Variants in SERPINB6 observed in about 807,000 individuals in gnomAD.
The protein encoded by SERPINB6 is serpin family B member 6.
SERPINB6 carries 16 observed loss-of-function variants against 26.1 expected under a neutral mutation model. The ratio of observed to expected loss-of-function variants is 0.61; its 90% CI spans 0.42 to 0.93. The LOEUF (loss-of-function observed/expected upper bound fraction) is 0.93. SERPINB6 is among the 40% of genes least tolerant of loss of function. SERPINB6 has a pLI of 0.00. For synonymous variants in SERPINB6, 174 were observed against 176.6 expected, an observed-to-expected ratio of 0.99 and a Z score of 0.11; for missense variants, 420 against 478.0, an observed-to-expected ratio of 0.88 and a Z score of 1.13.
chr6:2,955,964 T>C, intron 2 of SERPINB6: 1 of 311,874 alleles, frequency 3.2e-6, no homozygotes, highest in Non-Finnish European at 6.2e-6. Flanking sequence ...GTAACCCAGC[T>C]ACTCGGGAAG....
At chr6:2,961,176 C>G (rs1300306836) in intron 1 of SERPINB6, 1 of 152,220 alleles carries the variant, frequency 6.6e-6, no homozygotes, top group African/African-American at 2.4e-5. Context: ...AAGACAATAA[C>G]TCATACACCT....
At chr6:2,962,680 T>G (rs1294060383) in intron 1 of SERPINB6, among the ~76,000 whole-genome samples, 1 of 152,248 alleles carries the variant, frequency 6.6e-6, no homozygotes, top group Non-Finnish European at 1.5e-5. Context: ...AAGGTAAAAT[T>G]CTATCTATGC....
At chr6:2,956,649 C>T (rs1347876026) in intron 2 of SERPINB6, 2 of 152,252 alleles carry the variant, frequency 1.3e-5, no homozygotes, top group South Asian at 2.1e-4. Flanking sequence ...TGGAGAAACC[C>T]CATCTCTACT....
intron 4 of SERPINB6, among the ~76,000 whole-genome samples, chr6:2,953,652 G>A (rs1426761405): frequency 6.6e-6 from 1 of 152,102 alleles, no homozygotes; most frequent in Non-Finnish European, 1.5e-5. Context: ...ACAACATAGT[G>A]AGGCCTTGTC....
Position 2,948,417 on chromosome 6 carries a change from T to C in SERPINB6, c.1012A>G (p.Met338Val), listed in dbSNP as rs750948748. The stretch of plus-strand genomic sequence containing the variant: ...ACGAATCTGGCACACCGCATCATCA[T>C]GATGGCAGCTGTGGCGGCTGCAGCC... ...TEAAAATAAIMMMRCARFVPR... is the reference protein window; with the variant it reads ...TEAAAATAAIVMMRCARFVPR... Residue 338 changes from methionine to valine, a missense_variant, in exon 7 of 7, where the codon ATG becomes GTG. Coordinates refer to ENST00000380539, the MANE Select transcript of SERPINB6 (RefSeq NM_004568.6). The surrounding 1 kb of genome is among the most constrained non-coding windows in gnomAD (Gnocchi z 5.0). 2 of 1,614,208 alleles carry C rather than the reference T, an allele frequency of 1.2e-6. No individual in the cohort carries two copies. Among genetic ancestry groups the C allele is most frequent in the East Asian group, 2.2e-5 (1 of 44,880 alleles).
chr6:2,958,099 C>T (rs1316942848), intron 2 of SERPINB6: 1 of 152,212 alleles, frequency 6.6e-6, no homozygotes, highest in Non-Finnish European at 1.5e-5. Context: ...AGGGCCTTTA[C>T]AGGGGTGATT....
At chr6:2,970,511 T>C (rs1772041143) in intron 1 of SERPINB6, 9 of 1,165,658 alleles carry the variant, frequency 7.7e-6, no homozygotes, top group Non-Finnish European at 9.5e-6. Context: ...AGAAGGTCAC[T>C]GAACACATCA....
chr6:2,948,687 G>A lies in SERPINB6; in HGVS notation c.742C>T (p.Leu248Phe), dbSNP rs747769939. Residue 248 changes from leucine (L) to phenylalanine (F), a missense_variant, in exon 7 of 7, where the codon CTC becomes TTC. Transcript: ENST00000380539. The surrounding 1 kb of genome is among the most constrained non-coding windows in gnomAD (Gnocchi z 5.0). Reference sequence around the variant, plus strand: ...CATTCTACGAACTTCTCGTAAGTGAGTTCTTTCTCCACCTAGAGGGAGACA... The same window carrying A: ...CATTCTACGAACTTCTCGTAAGTGAATTCTTTCTCCACCTAGAGGGAGACA... Reference protein sequence around the residue: ...TTDLRTVEKELTYEKFVEWTR... With the variant: ...TTDLRTVEKEFTYEKFVEWTR... The A allele has an allele frequency of 3.1e-6, 5 of 1,614,014 alleles. No homozygotes were observed. In the African/African-American group the frequency reaches 5.3e-5, roughly 17 times the overall value.
Position 2,949,038 on chromosome 6 carries a change from T to G in SERPINB6, c.605A>C (p.Lys202Thr). 1.2e-6 allele frequency: 2 copies of G among 1,614,208 alleles called. No homozygotes were observed. The highest frequency in any genetic ancestry group is 8.5e-7 in the Non-Finnish European group (1 of 1,180,044). The change falls in exon 6 of 7, where the codon AAG becomes ACG. Residue 202 changes from lysine to threonine, a missense_variant. By Grantham distance (78) the Lys-to-Thr change is moderately conservative. Coordinates refer to ENST00000380539, the MANE Select transcript of SERPINB6 (RefSeq NM_004568.6). ...NEEKPVQMMF[K>T]QSTFKKTYIG... ...ATAGGTCTTCTTAAAAGTAGATTGC[T>G]TAAACATCATTTGCACAGGTTTCTC...
chr6:2,970,695 C>T (rs889737901), intron 1 of SERPINB6: 2 of 1,208,612 alleles, frequency 1.7e-6, no homozygotes, highest in Non-Finnish European at 2.0e-6. Context: ...ATTTTCTGTA[C>T]CTCAGTTTTC....
chr6:2,959,280 G>A lies in SERPINB6; in HGVS notation c.53C>T (p.Thr18Met), dbSNP rs753498563. ...NGTFALNLLK[T>M]LGKDNSKNVF... ...ATTCTTCGAGTTGTCTTTACCCAGCGTTTTCAAAAGGTTTAAGGCAAAGGT... is the reference window on the plus strand; with the variant it reads ...ATTCTTCGAGTTGTCTTTACCCAGCATTTTCAAAAGGTTTAAGGCAAAGGT... Residue 18 changes from threonine (T) to methionine (M), a missense_variant, in exon 2 of 7, where the codon ACG becomes ATG. By Grantham distance (81) the Thr-to-Met change is moderately conservative. Transcript: ENST00000380539. 1.5e-5 allele frequency: 25 copies of A among 1,614,028 alleles called. No individual in the cohort carries two copies. Among genetic ancestry groups the A allele is most frequent in the South Asian group, 4.4e-5 (4 of 91,080 alleles).
In SERPINB6 at chr6:2,970,492, A is replaced by G. The variant is rs995969561; in HGVS notation, c.-11+1041T>C. The G allele has an allele frequency of 3.5e-6, 4 of 1,143,386 alleles. No individual in the cohort carries two copies. The Admixed American group carries it at 1.4e-4, about 41-fold the overall frequency. The allele number at this position is 1,143,386 out of a possible 1,614,324, so 70.8% of individuals were successfully genotyped here. On this transcript the variant is annotated intron_variant, in intron 1 of 6. Coordinates refer to ENST00000380539, the MANE Select transcript of SERPINB6 (RefSeq NM_004568.6). ...CCCAGCAATACAAGGCCGGCCCAGG[A>G]CCTTAACTAGAAGGTCACTGAACAC...
Position 2,959,262 on chromosome 6 carries a change from G to A in SERPINB6, c.71C>T (p.Ser24Leu), listed in dbSNP as rs145375367. 45 of 1,614,022 alleles carry A rather than the reference G, an allele frequency of 2.8e-5. No homozygotes were observed. The highest frequency in any genetic ancestry group is 3.6e-5 in the Non-Finnish European group (42 of 1,180,036). Reference protein sequence around the residue: ...NLLKTLGKDNSKNVFFSPMSM... With the variant: ...NLLKTLGKDNLKNVFFSPMSM... ...CATGGGTGAGAAAAACACATTCTTCGAGTTGTCTTTACCCAGCGTTTTCAA... is the reference window on the plus strand; with the variant it reads ...CATGGGTGAGAAAAACACATTCTTCAAGTTGTCTTTACCCAGCGTTTTCAA... The change falls in exon 2 of 7, where the codon TCG (serine) becomes TTG (leucine). Residue 24 changes from serine to leucine, a missense_variant. By Grantham distance (145) the Ser-to-Leu change is moderately radical (BLOSUM62 -2). Coordinates refer to ENST00000380539, the MANE Select transcript of SERPINB6 (RefSeq NM_004568.6).
Position 2,948,815 on chromosome 6 carries a change from C to T in SERPINB6, c.729+99G>A. ...AGCGTGGCTATGGTCAGCAGCGCTC[C>T]AGTGTTAAACGGCTGACCGCAAAGT... On this transcript the variant is annotated intron_variant, in intron 6 of 6. Transcript: ENST00000380539. The surrounding 1 kb of genome is among the most constrained non-coding windows in gnomAD (Gnocchi z 5.0). 6.3e-7 allele frequency: 1 copy of T among 1,578,430 alleles called. No individual in the cohort carries two copies.
At position 2,967,064 on chromosome 6, in the gene SERPINB6, T is replaced by A; in HGVS notation, c.-11+4469A>T. On this transcript the variant is annotated intron_variant, in intron 1 of 6. Transcript: ENST00000380539. This position sits in a 1 kb window ranked among gnomAD's most constrained non-coding sequence, Gnocchi z 4.3. ...TGATATCATCTGGGACTTCTCACCT[T>A]TCTCCAGGCTGTGACACACACAGAA... is the stretch of plus-strand genomic sequence containing the variant. The A allele has an allele frequency of 7.1e-6, 7 of 985,484 alleles. No individual in the cohort carries two copies. Among genetic ancestry groups the A allele is most frequent in the Non-Finnish European group, 8.4e-6 (7 of 829,974 alleles). 61.0% of individuals were successfully genotyped at this position (985,484 alleles called of 1,614,324 possible).
At chr6:2,949,605 C>T (rs113538238) in intron 5 of SERPINB6, among the ~76,000 whole-genome samples, 88 of 152,324 alleles carry the variant, frequency 5.8e-4, no homozygotes, top group Non-Finnish European at 9.4e-4. Context: ...GGCTCTACCT[C>T]GAGAATATAA....
chr6:2,959,115 G>A (rs1770816983), intron 2 of SERPINB6, 53 bp downstream of exon 2: 8 of 1,605,936 alleles, frequency 5.0e-6, no homozygotes, highest in South Asian at 3.3e-5. Context: ...TTGGAATAAG[G>A]AGGACCAGCT....
chr6:2,955,199 AAAAC>A, intron 3 of SERPINB6: 1 of 300,378 alleles, frequency 3.3e-6, no homozygotes. Context: ...CAAAAAAAAA[AAAAC>A]AAAAAAAAAA....
chr6:2,953,282 T>C, intron 4 of SERPINB6, 96 bp from the exon 5 acceptor site: 1 of 1,526,840 alleles, frequency 6.5e-7, no homozygotes, highest in Non-Finnish European at 9.0e-7. Context: ...AGCAGTCAAG[T>C]GCACGGATAG....
Sources: gnomAD v4.1 joint callset for allele counts (sites outside exome capture counted in the v4.1 genomes callset) on GRCh38, gnomAD v4.1.1 for gene constraint, Gnocchi (gnomAD v3.1) non-coding constraint, MANE v1.5 for transcripts, NCBI Gene and HGNC (gene_info 2026-07-23, HGNC 2026-07-21) for gene names.